BMPR1A: variants seen among roughly 807,000 people sequenced by gnomAD.
BMPR1A encodes the protein bone morphogenetic protein receptor type-1A.
In BMPR1A, 7 loss-of-function variants were observed where a neutral mutation model predicts 66.0. That is an observed-to-expected ratio of 0.11 (90% CI 0.06 to 0.20). The LOEUF is 0.20. BMPR1A is among the 10% of genes least tolerant of loss of function. The pLI is 1.00. For synonymous variants in BMPR1A, 200 were observed against 229.7 expected (o/e 0.87, Z 1.17); for missense variants, 408 against 669.1 (o/e 0.61, Z 4.31).
chr10:86,841,341 A>G (rs7098932), intron 2 of BMPR1A, among the ~76,000 whole-genome samples: 2,529 of 152,328 alleles, frequency 0.017, 75 homozygotes, highest in African/African-American at 0.058. Flanking sequence ...TACATAGATG[A>G]TAACTATAAC....
At chr10:86,897,263 T>C (rs1843237197) in intron 5 of BMPR1A, among the ~76,000 whole-genome samples, 1 of 152,064 alleles carries the variant, frequency 6.6e-6, no homozygotes, top group African/African-American at 2.4e-5. Flanking sequence ...CCCACATAAG[T>C]CTAGAAATAC....
intron 1 of BMPR1A, among the ~76,000 whole-genome samples, chr10:86,803,181 A>G (rs140262426): frequency 2.0e-5 from 3 of 152,300 alleles, no homozygotes; most frequent in East Asian, 3.9e-4. Flanking sequence ...AAAGCACAAC[A>G]TAATTGTAAT....
At chr10:86,810,898 C>T (rs1047043535) in intron 1 of BMPR1A, among the ~76,000 whole-genome samples, 1 of 77,906 alleles carries the variant, frequency 1.3e-5, no homozygotes, top group African/African-American at 7.9e-5. Context: ...TGAAGCACAA[C>T]ATTTGTGTGT....
intron 1 of BMPR1A, among the ~76,000 whole-genome samples, chr10:86,790,675 TGAAA>T (rs79761010): frequency 0.28 from 42,238 of 151,908 alleles, 7,357 homozygotes; most frequent in East Asian, 0.72. Context: ...TAATGCAGGT[TGAAA>T]GAAGTCAGTC....
intron 5 of BMPR1A, among the ~76,000 whole-genome samples, chr10:86,896,493 A>AT (rs774478871): frequency 4.0e-4 from 61 of 152,194 alleles, no homozygotes; most frequent in Non-Finnish European, 7.4e-4. Flanking sequence ...GGACAGTTAT[A>AT]TATTACTTTA....
chr10:86,907,746 C>T (rs376452413), intron 7 of BMPR1A, among the ~76,000 whole-genome samples: 2 of 152,042 alleles, frequency 1.3e-5, no homozygotes, highest in Admixed American at 1.3e-4. Context: ...CTCAATCATA[C>T]GTGGGAGCTA....
chr10:86,889,263 A>G (rs1023880245), intron 3 of BMPR1A, among the ~76,000 whole-genome samples: 2 of 152,328 alleles, frequency 1.3e-5, no homozygotes, highest in Middle Eastern at 3.4e-3. Flanking sequence ...CTGCCCTTCT[A>G]TAACCTTCAG....
intron 2 of BMPR1A, among the ~76,000 whole-genome samples, chr10:86,841,196 A>G (rs1327341720): frequency 2.0e-5 from 3 of 152,236 alleles, no homozygotes; most frequent in African/African-American, 7.2e-5. Flanking sequence ...AAAACATTAA[A>G]TAAAAACAGG....
intron 1 of BMPR1A, among the ~76,000 whole-genome samples, chr10:86,829,316 A>G (rs75594630): frequency 1.4e-3 from 214 of 152,308 alleles, no homozygotes; most frequent in East Asian, 9.6e-3. Context: ...TTATTTTACT[A>G]TTCAAAGTAG....
chr10:86,903,274 T>G (rs1257426082), intron 7 of BMPR1A, among the ~76,000 whole-genome samples: 1 of 152,196 alleles, frequency 6.6e-6, no homozygotes, highest in African/African-American at 2.4e-5. Context: ...AATTAGCAAT[T>G]ACATTAAAAT....
At chr10:86,928,567 A>T (rs1324656365), downstream of BMPR1A, 1 of 152,176 alleles carries the variant, frequency 6.6e-6, no homozygotes, top group Non-Finnish European at 1.5e-5. Context: ...ATGGCAGAAA[A>T]TTTGGGAAAC....
chr10:86,811,647 T>G (rs1174043613), intron 1 of BMPR1A, among the ~76,000 whole-genome samples: 1 of 152,184 alleles, frequency 6.6e-6, no homozygotes, highest in South Asian at 2.1e-4. Flanking sequence ...TTGTCTATCT[T>G]ACAGGCAGTC....
At chr10:86,806,116 A>G (rs1179531183) in intron 1 of BMPR1A, among the ~76,000 whole-genome samples, 3 of 152,052 alleles carry the variant, frequency 2.0e-5, no homozygotes, top group Non-Finnish European at 4.4e-5. Context: ...TCATTATTAG[A>G]TTCAGGTGAT....
rs372291575 is a variant in BMPR1A, at chr10:86,818,819, A to G, written c.-267-20046A>G. 6.6e-5 allele frequency among the ~76,000 whole-genome samples: 10 copies of G among 152,272 alleles called. No individual in the cohort carries two copies. In the East Asian group the frequency reaches 1.4e-3, roughly 21 times the overall value. ...TGCCACCCACTTTATTTGACTCCAT[A>G]GAGAAATTACTCAAGCCCCTTAAGA... is the stretch of plus-strand genomic sequence containing the variant. On this transcript the variant is annotated intron_variant, in intron 1 of 12. Coordinates refer to ENST00000372037, the MANE Select transcript of BMPR1A (RefSeq NM_004329.3).
At position 86,922,247 on chromosome 10, in the gene BMPR1A, G is replaced by T. The variant is rs73351800; in HGVS notation, c.1342+552G>T. ...AAGGCAGAATCTCATTCTTTTTTCT[G>T]GCTGAATGATACTCCATTGTGTGTA... On this transcript the variant is annotated intron_variant, in intron 11 of 12. Coordinates refer to ENST00000372037, the MANE Select transcript of BMPR1A (RefSeq NM_004329.3). Among the ~76,000 whole-genome samples, 743 of 152,224 alleles carry T rather than the reference G, an allele frequency of 4.9e-3. 5 individuals are homozygous for T. The highest frequency in any genetic ancestry group is 0.017 in the African/African-American group (708 of 41,536).
intron 1 of BMPR1A, among the ~76,000 whole-genome samples, chr10:86,768,547 C>G (rs1057433231): frequency 6.6e-6 from 1 of 152,146 alleles, no homozygotes; most frequent in East Asian, 1.9e-4. Flanking sequence ...ACAGGTTTCT[C>G]TGGTCACATC....
chr10:86,897,404 G>A (rs1359910868), intron 5 of BMPR1A, among the ~76,000 whole-genome samples: 3 of 152,162 alleles, frequency 2.0e-5, no homozygotes, highest in South Asian at 2.1e-4. Context: ...TAAGACAGAC[G>A]TGAGATGAGG....
chr10:86,848,647 C>G (rs538282231), intron 2 of BMPR1A, among the ~76,000 whole-genome samples: 1 of 152,262 alleles, frequency 6.6e-6, no homozygotes, highest in Non-Finnish European at 1.5e-5. Context: ...CTCGGTTACA[C>G]ATAATATTCT....
intron 3 of BMPR1A, among the ~76,000 whole-genome samples, chr10:86,885,327 T>C (rs12249044): frequency 8.4e-4 from 128 of 152,228 alleles, no homozygotes; most frequent in African/African-American, 3.0e-3. Context: ...CTCATGTTCA[T>C]TTTTTTACAT....
Sources: allele counts gnomAD v4.1 joint callset (sites outside exome capture counted in the v4.1 genomes callset), GRCh38; gene constraint gnomAD v4.1.1; transcripts MANE v1.5; gene names NCBI Gene and HGNC (gene_info 2026-07-23, HGNC 2026-07-21).